LSAMP: variants seen among roughly 807,000 people sequenced by gnomAD.
LSAMP encodes the protein limbic system-associated membrane protein.
Under a neutral mutation model 38.6 loss-of-function variants are expected in LSAMP, and 7 were observed. The ratio of observed to expected loss-of-function variants is 0.18; its 90% CI spans 0.10 to 0.34. The LOEUF (loss-of-function observed/expected upper bound fraction) is 0.34, where lower values mean the gene tolerates loss of function less well. Ranked by LOEUF, LSAMP falls within the 10% of genes least tolerant of loss-of-function variation. The pLI is 1.00. For synonymous variants in LSAMP, 154 were observed against 166.8 expected (o/e 0.92, Z 0.59); for missense variants, 313 against 420.0 (o/e 0.75, Z 2.23).
intron 3 of LSAMP, among the ~76,000 whole-genome samples, chr3:115,985,505 C>T (rs1156775881): frequency 1.3e-5 from 2 of 152,168 alleles, no homozygotes; most frequent in Non-Finnish European, 2.9e-5. Context: ...AGATAATCCC[C>T]AGTGATTCTC....
At chr3:116,107,926 T>C (rs1462420982) in intron 1 of LSAMP, among the ~76,000 whole-genome samples, 1 of 152,118 alleles carries the variant, frequency 6.6e-6, no homozygotes, top group African/African-American at 2.4e-5. Flanking sequence ...TGAACTAACT[T>C]GTATGGCTTG....
rs369364505 is a variant in LSAMP, at chr3:115,842,295, G to A, written c.770+163C>T. Reference sequence around the variant, plus strand: ...ACTGCTTTTGGGCTTCAGCTTAAGAGCTACAGGCCCCAAAGAATTTGATAA... The same window carrying A: ...ACTGCTTTTGGGCTTCAGCTTAAGAACTACAGGCCCCAAAGAATTTGATAA... On this transcript the variant is annotated intron_variant, in intron 5 of 6. Coordinates refer to ENST00000490035, the MANE Select transcript of LSAMP (RefSeq NM_002338.5). 2.4e-4 allele frequency among the ~76,000 whole-genome samples: 37 copies of A among 152,328 alleles called. No homozygotes were observed. The South Asian group carries it at 7.7e-3, about 32-fold the overall frequency.
At chr3:115,830,136 T>C (rs1279317529) in intron 6 of LSAMP, among the ~76,000 whole-genome samples, 2 of 152,176 alleles carry the variant, frequency 1.3e-5, no homozygotes, top group Non-Finnish European at 2.9e-5. Context: ...AATAGAGGTG[T>C]ATATGTAAAT....
chr3:116,031,963 G>C (rs960068419), intron 2 of LSAMP, among the ~76,000 whole-genome samples: 1 of 151,960 alleles, frequency 6.6e-6, no homozygotes, highest in African/African-American at 2.4e-5. Flanking sequence ...TGCTGCAAAG[G>C]TTAAACATAG....
At chr3:116,444,372 G>A (rs1005051785) in intron 1 of LSAMP, among the ~76,000 whole-genome samples, 1 of 104,348 alleles carries the variant, frequency 9.6e-6, no homozygotes, top group African/African-American at 4.2e-5. Flanking sequence ...GTGTATGTGT[G>A]TGTGTGTGTT....
chr3:115,841,775 G>A, intron 6 of LSAMP, 70 bp downstream of exon 6: 1 of 1,514,874 alleles, frequency 6.6e-7, no homozygotes, highest in Admixed American at 2.2e-5. Flanking sequence ...CTAAGGGAAT[G>A]GTTTTCACGT....
chr3:116,233,751 G>C (rs1245208613), intron 1 of LSAMP, among the ~76,000 whole-genome samples: 2 of 152,012 alleles, frequency 1.3e-5, no homozygotes, highest in East Asian at 1.9e-4. Context: ...TAATGAAGCA[G>C]TATAGGAGAA....
At chr3:116,330,125 G>T (rs2047828988) in intron 1 of LSAMP, among the ~76,000 whole-genome samples, 1 of 152,116 alleles carries the variant, frequency 6.6e-6, no homozygotes, top group South Asian at 2.1e-4. Context: ...GGAAGCAACA[G>T]GAATATGTTT....
chr3:116,131,654 C>T (rs1181185765), intron 1 of LSAMP, among the ~76,000 whole-genome samples: 1 of 152,022 alleles, frequency 6.6e-6, no homozygotes, highest in East Asian at 1.9e-4. Context: ...GATACCCCTC[C>T]ATTTTTTCTT....
chr3:116,149,966 G>T (rs925519709), intron 1 of LSAMP, among the ~76,000 whole-genome samples: 2 of 151,952 alleles, frequency 1.3e-5, no homozygotes, highest in South Asian at 2.1e-4. Flanking sequence ...TATTACTCAG[G>T]TTATGTAAGT....
At chr3:116,308,232 T>A (rs1229660654) in intron 1 of LSAMP, among the ~76,000 whole-genome samples, 1 of 151,982 alleles carries the variant, frequency 6.6e-6, no homozygotes, top group African/African-American at 2.4e-5. Flanking sequence ...ACAAGCTCCC[T>A]CTAGACAAAA....
chr3:116,274,280 T>TATTA (rs1428074041), intron 1 of LSAMP, among the ~76,000 whole-genome samples: 1 of 152,162 alleles, frequency 6.6e-6, no homozygotes, highest in East Asian at 1.9e-4. Context: ...GTTTTTTCAT[T>TATTA]ATTATCTTCC....
chr3:115,992,452 T>A (rs1238166745), intron 3 of LSAMP, among the ~76,000 whole-genome samples: 1 of 151,998 alleles, frequency 6.6e-6, no homozygotes, highest in Non-Finnish European at 1.5e-5. Flanking sequence ...TACAAGTGAG[T>A]AGGACGATCA....
intron 1 of LSAMP, among the ~76,000 whole-genome samples, chr3:116,313,002 G>C (rs570347602): frequency 7.1e-4 from 108 of 152,216 alleles, no homozygotes; most frequent in African/African-American, 2.4e-3. Context: ...CAATGTTAAG[G>C]ACGCAGTTGC....
intron 1 of LSAMP, among the ~76,000 whole-genome samples, chr3:116,410,126 A>G (rs2048951767): frequency 6.6e-6 from 1 of 152,072 alleles, no homozygotes; most frequent in South Asian, 2.1e-4. Flanking sequence ...CAGCACATTA[A>G]GATAATTTCT....
intron 3 of LSAMP, among the ~76,000 whole-genome samples, chr3:115,887,399 T>C (rs748604184): frequency 2.0e-5 from 3 of 151,970 alleles, no homozygotes; most frequent in Non-Finnish European, 4.4e-5. Flanking sequence ...TAACTAGCAA[T>C]AACAAAGTTC....
chr3:116,336,808 T>G (rs754810670), intron 1 of LSAMP, among the ~76,000 whole-genome samples: 3 of 151,766 alleles, frequency 2.0e-5, no homozygotes, highest in Non-Finnish European at 4.4e-5. Context: ...TCAACATAAT[T>G]GAAAGCAGAG....
chr3:116,312,898 C>T (rs527289770), intron 1 of LSAMP, among the ~76,000 whole-genome samples: 1 of 152,218 alleles, frequency 6.6e-6, no homozygotes, highest in Non-Finnish European at 1.5e-5. Flanking sequence ...ATCTTACTCA[C>T]AAAATGCATG....
At chr3:116,235,921 C>G (rs959138691) in intron 1 of LSAMP, among the ~76,000 whole-genome samples, 3 of 152,156 alleles carry the variant, frequency 2.0e-5, no homozygotes, top group African/African-American at 7.2e-5. Flanking sequence ...GATCTCACTT[C>G]TAAACACTAG....
Sources: gnomAD v4.1 joint callset for allele counts (sites outside exome capture counted in the v4.1 genomes callset) on GRCh38, gnomAD v4.1.1 for gene constraint, MANE v1.5 for transcripts, NCBI Gene and HGNC (gene_info 2026-07-23, HGNC 2026-07-21) for gene names.